The following PARD3 variants were observed in gnomAD, a reference collection of about 807,000 sequenced individuals.
PARD3 encodes partitioning defective 3 homolog.
In PARD3, 75 loss-of-function variants were observed where a neutral mutation model predicts 155.4. The ratio of observed to expected loss-of-function variants is 0.48; its 90% CI spans 0.40 to 0.58. The LOEUF (loss-of-function observed/expected upper bound fraction) is 0.58. Among genes scored for constraint, PARD3 ranks in the 20% least tolerant of loss-of-function variants. The pLI, the probability that PARD3 is intolerant of heterozygous loss-of-function variation, is 0.00. For synonymous variants in PARD3, 576 were observed against 610.5 expected, an observed-to-expected ratio of 0.94 and a Z score of 0.83; for missense variants, 1,642 against 1,721.7, an observed-to-expected ratio of 0.95 and a Z score of 0.82.
At chr10:34,736,653 A>ATTT (rs2094919789) in intron 1 of PARD3, among the ~76,000 whole-genome samples, 14 of 146,348 alleles carry the variant, frequency 9.6e-5, no homozygotes, top group East Asian at 5.8e-4. Flanking sequence ...TTAATTAATT[A>ATTT]ATTTATTTAT....
At chr10:34,753,076 T>C (rs1036828502) in intron 1 of PARD3, among the ~76,000 whole-genome samples, 1 of 152,236 alleles carries the variant, frequency 6.6e-6, no homozygotes, top group Non-Finnish European at 1.5e-5. Flanking sequence ...TCTCAGCCTG[T>C]TGTTTCAGTT....
At position 34,231,762 on chromosome 10, in the gene PARD3, C is replaced by T. The variant is rs138231364; in HGVS notation, c.3419+37895G>A. Among the ~76,000 whole-genome samples, 24 of 152,066 alleles carry T rather than the reference C, an allele frequency of 1.6e-4. No homozygotes were observed. The East Asian group carries it at 3.1e-3, about 20-fold the overall frequency. On this transcript the variant is annotated intron_variant, in intron 22 of 24. Coordinates refer to ENST00000374788, the MANE Select transcript of PARD3 (RefSeq NM_001184785.2). ...CGACTATTGGCAAGGAACATAAGCA[C>T]GCTCAGTGATGTCACTGAACTCATT... is the stretch of plus-strand genomic sequence containing the variant.
In PARD3 at chr10:34,420,491, T is replaced by C. The variant is rs563379263; in HGVS notation, c.715-18574A>G. Among the ~76,000 whole-genome samples the C allele has an allele frequency of 1.2e-4, 18 of 152,270 alleles. No individual in the cohort carries two copies. The South Asian group carries it at 2.7e-3, about 23-fold the overall frequency. ...AACAGTTAAACAAATAACTCAGAGATCATGATCCTGGAATTCAATGCGCCT... is the reference window on the plus strand; with the variant it reads ...AACAGTTAAACAAATAACTCAGAGACCATGATCCTGGAATTCAATGCGCCT... On this transcript the variant is annotated intron_variant, in intron 5 of 24. Coordinates refer to ENST00000374788, the MANE Select transcript of PARD3 (RefSeq NM_001184785.2).
chr10:34,386,873 A>C (rs1054055910), intron 7 of PARD3, among the ~76,000 whole-genome samples: 1 of 152,170 alleles, frequency 6.6e-6, no homozygotes, highest in Non-Finnish European at 1.5e-5. Flanking sequence ...TGAATGAGGA[A>C]GATTAATACA....
intron 3 of PARD3, among the ~76,000 whole-genome samples, chr10:34,483,488 AAAAAAAAAAAAGAGAGAG>A (rs2079228954): frequency 7.0e-6 from 1 of 143,482 alleles, no homozygotes; most frequent in African/African-American, 3.0e-5. Flanking sequence ...TCACCAAAAA[AAAAAAAAAAAAGAGAGAG>A]AAAAAAAAAC....
intron 1 of PARD3, among the ~76,000 whole-genome samples, chr10:34,760,356 G>A (rs915803249): frequency 1.3e-5 from 2 of 152,108 alleles, no homozygotes; most frequent in Admixed American, 1.3e-4. Flanking sequence ...TTTTGAGACA[G>A]GGTCTCACTG....
At chr10:34,180,672 A>G (rs1295771) in intron 22 of PARD3, among the ~76,000 whole-genome samples, 87,246 of 151,984 alleles carry the variant, frequency 0.57, 25,385 homozygotes, top group African/African-American at 0.66. Context: ...AACTTGGAAA[A>G]AGCTAGACTA....
chr10:34,344,482 A>C (rs570825014), intron 15 of PARD3: 18 of 624,860 alleles, frequency 2.9e-5, no homozygotes, highest in African/African-American at 2.4e-4. Flanking sequence ...AGGGTTTCAC[A>C]TGTTGGCCAG....
chr10:34,331,430 A>G (rs947869470), intron 18 of PARD3, 86 bp from the exon 19 acceptor site: 11 of 750,248 alleles, frequency 1.5e-5, no homozygotes, highest in East Asian at 2.7e-5. Flanking sequence ...CTTCAGGTAC[A>G]TAACAATTAT....
intron 1 of PARD3, among the ~76,000 whole-genome samples, chr10:34,710,810 A>T (rs1447836049): frequency 6.6e-6 from 1 of 152,216 alleles, no homozygotes; most frequent in Non-Finnish European, 1.5e-5. Context: ...TCTCTTCCAC[A>T]TATCTGCAAA....
chr10:34,172,062 C>A (rs1227455349), intron 22 of PARD3, among the ~76,000 whole-genome samples: 1 of 150,670 alleles, frequency 6.6e-6, no homozygotes, highest in Non-Finnish European at 1.5e-5. Context: ...TTCCCAATCT[C>A]TCTACCCTTG....
chr10:34,682,351 G>T (rs1040002765), intron 2 of PARD3, among the ~76,000 whole-genome samples: 2 of 147,726 alleles, frequency 1.4e-5, no homozygotes, highest in Non-Finnish European at 1.5e-5. Context: ...CCCGGGAGGT[G>T]GAGGTTGCCT....
At position 34,682,852 on chromosome 10, in the gene PARD3, A is replaced by G. The variant is rs528783620; in HGVS notation, c.222+13466T>C. Among the ~76,000 whole-genome samples the G allele has an allele frequency of 7.2e-5, 11 of 152,336 alleles. No individual in the cohort carries two copies. In the South Asian group the frequency reaches 2.3e-3, roughly 32 times the overall value. On this transcript the variant is annotated intron_variant, in intron 2 of 24. Transcript: ENST00000374788. ...ATCACTGCACTCCAGCCTCGGTGACAGAGCAAGGGCCTGTCTCGAAGAAAA... is the reference window on the plus strand; with the variant it reads ...ATCACTGCACTCCAGCCTCGGTGACGGAGCAAGGGCCTGTCTCGAAGAAAA...
intron 1 of PARD3, among the ~76,000 whole-genome samples, chr10:34,714,734 A>G (rs754642639): frequency 7.2e-5 from 11 of 151,844 alleles, no homozygotes; most frequent in Non-Finnish European, 1.6e-4. Flanking sequence ...CCTGAGTCTC[A>G]TTACCACAGA....
intron 2 of PARD3, among the ~76,000 whole-genome samples, chr10:34,666,464 C>T (rs1288243649): frequency 6.6e-6 from 1 of 151,954 alleles, no homozygotes; most frequent in African/African-American, 2.4e-5. Flanking sequence ...TACCACTAGA[C>T]TCTAGGTGGC....
intron 1 of PARD3, among the ~76,000 whole-genome samples, chr10:34,777,918 T>C (rs918212901): frequency 6.6e-6 from 1 of 151,604 alleles, no homozygotes; most frequent in Non-Finnish European, 1.5e-5. Flanking sequence ...AGCACTGCCC[T>C]CCCTCCCGCA....
At chr10:34,353,296 GA>G (rs1466853591) in intron 14 of PARD3, among the ~76,000 whole-genome samples, 4 of 152,222 alleles carry the variant, frequency 2.6e-5, no homozygotes, top group Non-Finnish European at 4.4e-5. Context: ...GTGGGGAAAA[GA>G]AAGAGAGATC....
intron 22 of PARD3, among the ~76,000 whole-genome samples, chr10:34,257,308 G>C (rs192372337): frequency 5.3e-4 from 80 of 152,298 alleles, no homozygotes; most frequent in Admixed American, 1.1e-3. Flanking sequence ...TTATGCAGGA[G>C]CAAGGAAGAA....
chr10:34,414,414 C>T (rs181051480), intron 5 of PARD3, among the ~76,000 whole-genome samples: 2 of 152,264 alleles, frequency 1.3e-5, no homozygotes, highest in Admixed American at 1.3e-4. Context: ...AACACTCAGT[C>T]GGCCTTGCAA....
Sources: gnomAD v4.1 joint callset for allele counts (sites outside exome capture counted in the v4.1 genomes callset) on GRCh38, gnomAD v4.1.1 for gene constraint, MANE v1.5 for transcripts, NCBI Gene and HGNC (gene_info 2026-07-23, HGNC 2026-07-21) for gene names.